Variants in LRBA observed in about 807,000 individuals in gnomAD.
LRBA encodes the protein lipopolysaccharide-responsive and beige-like anchor protein.
LRBA carries 176 observed loss-of-function variants against 330.0 expected under a neutral mutation model. The observed-to-expected ratio is 0.53, with a 90% confidence interval of 0.47 to 0.60. The LOEUF is 0.60. Ranked by LOEUF, LRBA falls within the 20% of genes least tolerant of loss-of-function variation. The pLI, the probability that LRBA is intolerant of heterozygous loss-of-function variation, is 0.00. For synonymous variants in LRBA, 1,230 were observed against 1,193.0 expected, an observed-to-expected ratio of 1.03 and a Z score of -0.64; for missense variants, 3,259 against 3,444.8, an observed-to-expected ratio of 0.95 and a Z score of 1.35.
intron 17 of LRBA, among the ~76,000 whole-genome samples, chr4:150,889,737 G>A (rs1374394366): frequency 6.6e-6 from 1 of 152,114 alleles, no homozygotes; most frequent in Non-Finnish European, 1.5e-5. Context: ...AAAAAGGCTG[G>A]GGACCTCTGT....
Position 150,808,413 on chromosome 4 carries a change from T to C in LRBA, c.5306-15A>G. 5.4e-6 allele frequency: 8 copies of C among 1,469,934 alleles called. No homozygotes were observed. The highest frequency in any genetic ancestry group is 1.4e-5 in the African/African-American group (1 of 72,040). The allele number at this position is 1,469,934 out of a possible 1,614,324, so 91.1% of individuals were successfully genotyped here. ...TGATCTACTGCCTATAAAAGAAAAA[T>C]AACCATCTATAGGAATTTTCTGCTT... On this transcript the variant is annotated splice_polypyrimidine_tract_variant and intron_variant, in intron 31 of 56. Coordinates refer to ENST00000651943, the MANE Select transcript of LRBA (RefSeq NM_001364905.1).
At chr4:150,720,275 C>T (rs540306552) in intron 36 of LRBA, among the ~76,000 whole-genome samples, 5 of 151,924 alleles carry the variant, frequency 3.3e-5, no homozygotes, top group South Asian at 2.1e-4. Flanking sequence ...TAAAATAAAA[C>T]GTTAATATAG....
At chr4:150,821,946 T>C (rs1394403724) in intron 30 of LRBA, among the ~76,000 whole-genome samples, 4 of 152,164 alleles carry the variant, frequency 2.6e-5, no homozygotes, top group Non-Finnish European at 4.4e-5. Context: ...AAGTTGATAA[T>C]ACTTAAGATA....
Position 150,808,534 on chromosome 4 carries a change from A to AAAATCTAACAATTAAC in LRBA, c.5306-152_5306-137dup, listed in dbSNP as rs1288785020. On this transcript the variant is annotated intron_variant, in intron 31 of 56. Coordinates refer to ENST00000651943, the MANE Select transcript of LRBA (RefSeq NM_001364905.1). ...TGTCCATTACTATTTGGATAACATT[A>AAAATCTAACAATTAAC]AAATCTAACAATTAACAACTAAATG... The AAAATCTAACAATTAAC allele has an allele frequency of 7.7e-4, 430 of 561,848 alleles. 3 individuals carry two copies. The East Asian group carries it at 0.012, about 16-fold the overall frequency. 34.8% of individuals were successfully genotyped at this position (561,848 alleles called of 1,614,324 possible).
intron 19 of LRBA, among the ~76,000 whole-genome samples, chr4:150,871,041 C>T (rs1391968264): frequency 6.6e-6 from 1 of 151,864 alleles, no homozygotes; most frequent in Non-Finnish European, 1.5e-5. Flanking sequence ...GTCAGGAGTT[C>T]GAGACCAGCC....
chr4:150,428,125 T>C (rs1749886968), intron 46 of LRBA, among the ~76,000 whole-genome samples: 1 of 152,022 alleles, frequency 6.6e-6, no homozygotes, highest in African/African-American at 2.4e-5. Flanking sequence ...TATATATGAG[T>C]TCATATAATA....
At chr4:150,724,520 A>G (rs1361462677) in intron 36 of LRBA, among the ~76,000 whole-genome samples, 1 of 152,110 alleles carries the variant, frequency 6.6e-6, no homozygotes, top group Admixed American at 6.5e-5. Context: ...ATGCTCATAC[A>G]CTGAAGAACA....
chr4:150,381,487 A>G (rs916722163), intron 47 of LRBA, among the ~76,000 whole-genome samples: 5 of 152,196 alleles, frequency 3.3e-5, no homozygotes, highest in African/African-American at 2.4e-5. Flanking sequence ...TTAACTTAGC[A>G]TCATGTTTTC....
rs1321133451 is a variant in LRBA at position 150,817,199 on chromosome 4, T to A, written c.5230A>T (p.Ile1744Leu). 4 of 1,612,258 alleles carry A rather than the reference T, an allele frequency of 2.5e-6. No individual in the cohort carries two copies. The highest frequency in any genetic ancestry group is 3.4e-6 in the Non-Finnish European group (4 of 1,178,652). ...ACCACACTGACAGCATTGGTAGGTA[T>A]GCTTGTATTAAAGGTGGAAGGTGAG... ...AVSPSTFNTS[I>L]PTNAVSVVSS... The change falls in exon 31 of 57, where the codon ATA becomes TTA. Residue 1744 changes from isoleucine to leucine, a missense_variant. Physicochemically the swap from Ile to Leu is conservative, Grantham distance 5. Coordinates refer to ENST00000651943, the MANE Select transcript of LRBA (RefSeq NM_001364905.1).
intron 47 of LRBA, among the ~76,000 whole-genome samples, chr4:150,383,171 C>T (rs1418735883): frequency 1.3e-5 from 2 of 152,182 alleles, no homozygotes; most frequent in African/African-American, 4.8e-5. Flanking sequence ...GTACTAAGTA[C>T]ACTGTTCTTT....
intron 14 of LRBA, among the ~76,000 whole-genome samples, chr4:150,899,557 T>A (rs1366912481): frequency 6.6e-6 from 1 of 152,204 alleles, no homozygotes; most frequent in Non-Finnish European, 1.5e-5. Flanking sequence ...CTAGACATGA[T>A]GAATGAATAT....
In LRBA at chr4:150,792,651, A is replaced by G. The variant is rs190429956; in HGVS notation, c.5580+5430T>C. On this transcript the variant is annotated intron_variant, in intron 34 of 56. Transcript: ENST00000651943. ...ATCCAGAGTAGCTAGGTCTACAGGC[A>G]CATGCTACCAAGTTCAGTTAAATGT... Among the ~76,000 whole-genome samples the G allele has an allele frequency of 1.8e-3, 281 of 152,282 alleles. 1 individual carries two copies. Among genetic ancestry groups the G allele is most frequent in the African/African-American group, 6.5e-3 (268 of 41,550 alleles).
At chr4:150,473,037 A>C (rs1258880210) in intron 42 of LRBA, among the ~76,000 whole-genome samples, 1 of 152,110 alleles carries the variant, frequency 6.6e-6, no homozygotes, top group Non-Finnish European at 1.5e-5. Flanking sequence ...GTTTATCTTT[A>C]ATTTTTTGAG....
At chr4:150,894,531 C>T (rs1006188359) in intron 16 of LRBA, among the ~76,000 whole-genome samples, 10 of 152,206 alleles carry the variant, frequency 6.6e-5, no homozygotes, top group African/African-American at 2.4e-4. Flanking sequence ...TTAGAGCCAA[C>T]TTGGACAATA....
chr4:150,867,633 T>G (rs777930318), intron 22 of LRBA, 38 bp downstream of exon 22: 14 of 1,499,302 alleles, frequency 9.3e-6, no homozygotes, highest in Non-Finnish European at 7.1e-6. Context: ...ATTATAGATA[T>G]TTAAAATGCT....
intron 40 of LRBA, among the ~76,000 whole-genome samples, chr4:150,508,262 A>C (rs1286069285): frequency 8.9e-5 from 13 of 145,904 alleles, no homozygotes; most frequent in Admixed American, 6.9e-5. Flanking sequence ...GGAGAAAAAG[A>C]CATCACATGA....
At chr4:150,443,345 T>G (rs1384252016) in intron 44 of LRBA, among the ~76,000 whole-genome samples, 2 of 152,140 alleles carry the variant, frequency 1.3e-5, no homozygotes, top group African/African-American at 4.8e-5. Context: ...ATCCCATTAC[T>G]GGGTATATAC....
At chr4:150,767,375 T>C (rs186733451) in intron 34 of LRBA, among the ~76,000 whole-genome samples, 29 of 152,280 alleles carry the variant, frequency 1.9e-4, no homozygotes, top group East Asian at 3.9e-4. Flanking sequence ...AAAGATTACA[T>C]ATAATCTACT....
intron 48 of LRBA, 77 bp downstream of exon 48, chr4:150,349,915 T>G: frequency 8.1e-7 from 1 of 1,241,476 alleles, no homozygotes; most frequent in Non-Finnish European, 1.2e-6. Context: ...AATCAAAGGA[T>G]GGGGGAGGTG....
Sources: allele counts gnomAD v4.1 joint callset (sites outside exome capture counted in the v4.1 genomes callset), GRCh38; gene constraint gnomAD v4.1.1; transcripts MANE v1.5; gene names NCBI Gene and HGNC (gene_info 2026-07-23, HGNC 2026-07-21).